FOSL2: variants seen among roughly 807,000 people sequenced by gnomAD.
The protein encoded by FOSL2 is FOS like 2, AP-1 transcription factor subunit, also known as fos-related antigen 2.
A neutral mutation model predicts 27.7 loss-of-function variants in FOSL2; 3 were observed. The ratio of observed to expected loss-of-function variants is 0.11; its 90% CI spans 0.05 to 0.28. The LOEUF (loss-of-function observed/expected upper bound fraction) is 0.28, where lower values mean the gene tolerates loss of function less well. Ranked by LOEUF, FOSL2 falls within the 10% of genes least tolerant of loss-of-function variation. FOSL2 has a pLI of 1.00. For missense variants in FOSL2, 333 were observed against 445.1 expected, an observed-to-expected ratio of 0.75 and a Z score of 2.27; for synonymous variants, 179 against 190.1, an observed-to-expected ratio of 0.94 and a Z score of 0.48.
rs568798409 is a variant in FOSL2 at position 28,413,561 on chromosome 2, G to T, written c.*1113G>T. 3 of 398,856 alleles carry T rather than the reference G, an allele frequency of 7.5e-6. No homozygotes were observed. The Admixed American group carries it at 1.3e-4, about 18-fold the overall frequency. The allele number at this position is 398,856 out of a possible 1,614,324, so 24.7% of individuals were successfully genotyped here. ...AAGCCTCAAAGAAGCATTTGCTGAG[G>T]ATGGAGAGGCAGGGGAGGGAGGCGG... On this transcript the variant is annotated 3_prime_UTR_variant, in exon 4 of 4. Coordinates refer to ENST00000264716, the MANE Select transcript of FOSL2 (RefSeq NM_005253.4).
rs913083928 is a variant in FOSL2, at chr2:28,408,091, T to C, written c.355-668T>C. On this transcript the variant is annotated intron_variant, in intron 2 of 3. Coordinates refer to ENST00000264716, the MANE Select transcript of FOSL2 (RefSeq NM_005253.4). The surrounding 1 kb of genome is among the most constrained non-coding windows in gnomAD (Gnocchi z 4.1). Reference sequence around the variant, plus strand: ...GGGCTCCTCTTCCTTTTGCATGTCCTGTCCAACTTAGCACTGTACCAGGCA... The same window carrying C: ...GGGCTCCTCTTCCTTTTGCATGTCCCGTCCAACTTAGCACTGTACCAGGCA... 5.3e-5 allele frequency among the ~76,000 whole-genome samples: 8 copies of C among 152,354 alleles called. No individual in the cohort carries two copies. The highest frequency in any genetic ancestry group is 5.2e-4 in the Admixed American group (8 of 15,308).
rs757493761 is a variant in FOSL2, at chr2:28,412,358, C to T, written c.891C>T (p.Ser297=). Reference sequence around the variant, plus strand: ...AGCAGGAGTCACCCGCATCTCCCTCCGAATCCTGCTCCAAGGCTCACCGCA... The same window carrying T: ...AGCAGGAGTCACCCGCATCTCCCTCTGAATCCTGCTCCAAGGCTCACCGCA... The part of the protein sequence containing the change: ...VLEQESPASP[S]ESCSKAHRRS... Residue 297 remains serine, a synonymous_variant, in exon 4 of 4, where the codon TCC becomes TCT. Transcript: ENST00000264716. The surrounding 1 kb of genome is among the most constrained non-coding windows in gnomAD (Gnocchi z 7.1). 12 of 1,612,250 alleles carry T rather than the reference C, an allele frequency of 7.4e-6. No homozygotes were observed. The highest frequency in any genetic ancestry group is 4.4e-5 in the South Asian group (4 of 91,086).
At chr2:28,410,794 G>A (rs1394131640) in intron 3 of FOSL2, among the ~76,000 whole-genome samples, 3 of 152,170 alleles carry the variant, frequency 2.0e-5, no homozygotes, top group Non-Finnish European at 2.9e-5. Context: ...TGTGTCAAGC[G>A]TGGTGGCTGA....
At position 28,404,466 on chromosome 2, in the gene FOSL2, A is replaced by T; in HGVS notation, c.354+108A>T. The T allele has an allele frequency of 7.3e-7, 1 of 1,371,050 alleles. No individual in the cohort carries two copies. The highest frequency in any genetic ancestry group is 1.5e-5 in the African/African-American group (1 of 68,920). 84.9% of individuals were successfully genotyped at this position (1,371,050 alleles called of 1,614,324 possible). A position where few individuals can be genotyped will look rare whatever the true frequency, so the allele number is the denominator to read the frequency against. On this transcript the variant is annotated intron_variant, in intron 2 of 3. Transcript: ENST00000264716. The surrounding 1 kb of genome is among the most constrained non-coding windows in gnomAD (Gnocchi z 4.7). ...AGGGTTAATGTTCTGAGAGCAGGGG[A>T]GACAAGGGAGCTAGGGGTCGAAGAG... is the stretch of plus-strand genomic sequence containing the variant.
rs1470350789 is a variant in FOSL2 at position 28,393,341 on chromosome 2, C to CT, written c.-372dup. On this transcript the variant is annotated 5_prime_UTR_variant, in exon 1 of 4. Transcript: ENST00000264716. This position sits in a 1 kb window ranked among gnomAD's most constrained non-coding sequence, Gnocchi z 4.6. ...AGGCCAGGCTCGCTGGGCTCCTAAT[C>CT]TTTTTTTTAATTTCCAATTTTTGAT... 18 of 235,468 alleles carry CT rather than the reference C, an allele frequency of 7.6e-5. No individual in the cohort carries two copies. Among genetic ancestry groups the CT allele is most frequent in the East Asian group, 2.4e-4 (2 of 8,358 alleles). 14.6% of individuals were successfully genotyped at this position (235,468 alleles called of 1,614,324 possible). A position where few individuals can be genotyped will look rare whatever the true frequency, so the allele number is the denominator to read the frequency against.
At position 28,408,288 on chromosome 2, in the gene FOSL2, A is replaced by G. The variant is rs897355204; in HGVS notation, c.355-471A>G. On this transcript the variant is annotated intron_variant, in intron 2 of 3. Transcript: ENST00000264716. The surrounding 1 kb of genome is among the most constrained non-coding windows in gnomAD (Gnocchi z 4.1). The stretch of plus-strand genomic sequence containing the variant: ...GGCCCAGCTACTTAACAAAATGGGG[A>G]TAATGAGGCTTGCAGAGCAGGCAGA... Among the ~76,000 whole-genome samples, 2 of 152,146 alleles carry G rather than the reference A, an allele frequency of 1.3e-5. No individual in the cohort carries two copies. Among genetic ancestry groups the G allele is most frequent in the Non-Finnish European group, 2.9e-5 (2 of 68,024 alleles).
intron 3 of FOSL2, 188 bp from the exon 4 acceptor site, chr2:28,411,742 T>C: frequency 1.6e-6 from 1 of 633,580 alleles, no homozygotes; most frequent in East Asian, 2.7e-5. Flanking sequence ...AAGCTGACTT[T>C]CCTTCTTTGG....
At position 28,411,995 on chromosome 2, in the gene FOSL2, G is replaced by A; in HGVS notation, c.528G>A (p.Glu176=). 6.2e-7 allele frequency: 1 copy of A among 1,613,954 alleles called. No homozygotes were observed. Among genetic ancestry groups the A allele is most frequent in the Non-Finnish European group, 8.5e-7 (1 of 1,180,028 alleles). ...AGGAGATTGCTGAGCTGCAGAAGGA[G>A]AAGGAGAAGCTGGAGTTCATGTTGG... is the stretch of plus-strand genomic sequence containing the variant. ...LQKEIAELQK[E]KEKLEFMLVA... is the part of the protein sequence containing the mutation. The change falls in exon 4 of 4, where the codon GAG becomes GAA. Residue 176 remains glutamate, a synonymous_variant. Coordinates refer to ENST00000264716, the MANE Select transcript of FOSL2 (RefSeq NM_005253.4).
chr2:28,400,261 A>C (rs1015626141), intron 1 of FOSL2, among the ~76,000 whole-genome samples: 1 of 152,232 alleles, frequency 6.6e-6, no homozygotes, highest in South Asian at 2.1e-4. Context: ...GAGCAGCTCT[A>C]TCTTGGTTTG....
At position 28,392,905 on chromosome 2, in the gene FOSL2, G is replaced by C. The variant is rs970933855; in HGVS notation, c.-816G>C. ...GCGCTAGGGCTCCGAGCGAACCAGC[G>C]AGCGAGCGAACGAGCGGCGCTCGGC... is the stretch of plus-strand genomic sequence containing the variant. On this transcript the variant is annotated 5_prime_UTR_variant, in exon 1 of 4. Coordinates refer to ENST00000264716, the MANE Select transcript of FOSL2 (RefSeq NM_005253.4). The C allele has an allele frequency of 2.8e-6, 2 of 713,950 alleles. No individual in the cohort carries two copies. Among genetic ancestry groups the C allele is most frequent in the African/African-American group, 1.8e-5 (1 of 57,046 alleles). 44.2% of individuals were successfully genotyped at this position (713,950 alleles called of 1,614,324 possible).
chr2:28,393,275 CT>C lies in FOSL2; in HGVS notation c.-441del. ...CCCAGCGGACAGCTTTTCTTTCCGCCTTTTTGGCCCTGTCTGAAATCGGGGG... is the reference window on the plus strand; with the variant it reads ...CCCAGCGGACAGCTTTTCTTTCCGCCTTTTGGCCCTGTCTGAAATCGGGGG... On this transcript the variant is annotated 5_prime_UTR_variant, in exon 1 of 4. Coordinates refer to ENST00000264716, the MANE Select transcript of FOSL2 (RefSeq NM_005253.4). The surrounding 1 kb of genome is among the most constrained non-coding windows in gnomAD (Gnocchi z 4.6). 1 of 206,616 alleles carries C rather than the reference CT, an allele frequency of 4.8e-6. No homozygotes were observed. Among genetic ancestry groups the C allele is most frequent in the Non-Finnish European group, 9.5e-6 (1 of 104,912 alleles). The allele number at this position is 206,616 out of a possible 1,614,324, so 12.8% of individuals were successfully genotyped here.
Position 28,393,639 on chromosome 2 carries a change from G to C in FOSL2, c.-82G>C, listed in dbSNP as rs1293724851. 1.8e-5 allele frequency: 19 copies of C among 1,056,350 alleles called. No homozygotes were observed. The highest frequency in any genetic ancestry group is 4.5e-5 in the Admixed American group (2 of 44,648). 65.4% of individuals were successfully genotyped at this position (1,056,350 alleles called of 1,614,324 possible). A position where few individuals can be genotyped will look rare whatever the true frequency, so the allele number is the denominator to read the frequency against. ...CGCGGCGCGGCCGGCGGACGAACGA[G>C]CGCGCAGCAGCCGGTGCGCGGCCGC... On this transcript the variant is annotated 5_prime_UTR_variant, in exon 1 of 4. Coordinates refer to ENST00000264716, the MANE Select transcript of FOSL2 (RefSeq NM_005253.4). The surrounding 1 kb of genome is among the most constrained non-coding windows in gnomAD (Gnocchi z 4.6).
At chr2:28,395,273 C>T (rs1399034437) in intron 1 of FOSL2, among the ~76,000 whole-genome samples, 1 of 152,204 alleles carries the variant, frequency 6.6e-6, no homozygotes, top group Admixed American at 6.5e-5. Context: ...AGTCTGTACC[C>T]ACTCCCTCCG....
In FOSL2 at chr2:28,415,125, T is replaced by C. The variant is rs908671340; in HGVS notation, c.*2677T>C. The stretch of plus-strand genomic sequence containing the variant: ...CTGCCTTTCTGTTTGGCTTAGGAAC[T>C]TCTGTGCTTCTTGTGGCTCCACTCG... On this transcript the variant is annotated 3_prime_UTR_variant, in exon 4 of 4. Coordinates refer to ENST00000264716, the MANE Select transcript of FOSL2 (RefSeq NM_005253.4). 36 of 152,472 alleles carry C rather than the reference T, an allele frequency of 2.4e-4. No individual in the cohort carries two copies. The highest frequency in any genetic ancestry group is 7.9e-4 in the African/African-American group (33 of 41,552). 9.4% of individuals were successfully genotyped at this position (152,472 alleles called of 1,614,324 possible).
intron 1 of FOSL2, among the ~76,000 whole-genome samples, chr2:28,402,925 A>G (rs1191242052): frequency 6.6e-6 from 1 of 152,196 alleles, no homozygotes; most frequent in African/African-American, 2.4e-5. Context: ...TCACTCAGAG[A>G]GAGAATTAGT....
rs940607235 is a variant in FOSL2, at chr2:28,392,912, C to G, written c.-809C>G. On this transcript the variant is annotated 5_prime_UTR_variant, in exon 1 of 4. Transcript: ENST00000264716. The stretch of plus-strand genomic sequence containing the variant: ...GGCTCCGAGCGAACCAGCGAGCGAG[C>G]GAACGAGCGGCGCTCGGCGGGGACA... The G allele has an allele frequency of 1.4e-6, 1 of 712,314 alleles. No homozygotes were observed. Among genetic ancestry groups the G allele is most frequent in the African/African-American group, 1.8e-5 (1 of 56,994 alleles). The allele number at this position is 712,314 out of a possible 1,614,324, so 44.1% of individuals were successfully genotyped here.
intron 3 of FOSL2, among the ~76,000 whole-genome samples, chr2:28,410,981 T>C (rs1181352923): frequency 6.6e-6 from 1 of 152,078 alleles, no homozygotes; most frequent in Non-Finnish European, 1.5e-5. Flanking sequence ...AAACCCCATC[T>C]CTATGAAAAA....
chr2:28,396,298 G>A (rs1476213624), intron 1 of FOSL2, among the ~76,000 whole-genome samples: 1 of 151,710 alleles, frequency 6.6e-6, no homozygotes, highest in Non-Finnish European at 1.5e-5. Flanking sequence ...GGGGTGGGGG[G>A]AGCAGACTAG....
intron 1 of FOSL2, among the ~76,000 whole-genome samples, chr2:28,402,258 T>C (rs1219626706): frequency 6.6e-6 from 1 of 152,188 alleles, no homozygotes; most frequent in Non-Finnish European, 1.5e-5. Flanking sequence ...CCAGAATCCA[T>C]TGCACTGGGT....
Sources: allele counts gnomAD v4.1 joint callset (sites outside exome capture counted in the v4.1 genomes callset), GRCh38; gene constraint gnomAD v4.1.1; non-coding constraint Gnocchi (gnomAD v3.1); transcripts MANE v1.5; gene names NCBI Gene and HGNC (gene_info 2026-07-23, HGNC 2026-07-21).